The following TOP3A variants were observed in gnomAD, a reference collection of about 807,000 sequenced individuals.
The protein encoded by TOP3A is DNA topoisomerase 3-alpha.
In TOP3A, 64 loss-of-function variants were observed where a neutral mutation model predicts 111.3. The ratio of observed to expected loss-of-function variants is 0.57; its 90% CI spans 0.47 to 0.71. TOP3A has a LOEUF of 0.71. Among genes scored for constraint, TOP3A ranks in the 30% least tolerant of loss-of-function variants. TOP3A has a pLI of 0.00. For synonymous variants in TOP3A, 484 were observed against 485.1 expected (o/e 1.00, Z 0.03); for missense variants, 1,104 against 1,285.0 (o/e 0.86, Z 2.15).
At chr17:18,302,803 C>T (rs1011123688) in intron 5 of TOP3A, 80 bp from the exon 6 acceptor site, 3 of 1,520,276 alleles carry the variant, frequency 2.0e-6, no homozygotes, top group Admixed American at 4.1e-5. Context: ...TTCTTAAAGC[C>T]CCTTGAAATA....
At chr17:18,298,166 G>A (rs1181916212) in intron 9 of TOP3A, among the ~76,000 whole-genome samples, 1 of 151,602 alleles carries the variant, frequency 6.6e-6, no homozygotes, top group Non-Finnish European at 1.5e-5. Context: ...CGTCTGAGAA[G>A]TGAGGAGCCC....
At chr17:18,285,029 C>T in intron 15 of TOP3A, 113 bp downstream of exon 15, 1 of 1,307,084 alleles carries the variant, frequency 7.7e-7, no homozygotes, top group Non-Finnish European at 1.1e-6. Context: ...TGGCTCACGC[C>T]TGTAATCCCC....
At chr17:18,303,749 T>C (rs768734178) in intron 5 of TOP3A, among the ~76,000 whole-genome samples, 3 of 152,160 alleles carry the variant, frequency 2.0e-5, no homozygotes, top group Admixed American at 1.3e-4. Flanking sequence ...CTCCCTGAGA[T>C]AGTAAAGATA....
chr17:18,274,555 C>T lies in TOP3A; in HGVS notation c.*247G>A, dbSNP rs567699064. 6.7e-5 allele frequency: 29 copies of T among 435,416 alleles called. No individual in the cohort carries two copies. Among genetic ancestry groups the T allele is most frequent in the African/African-American group, 4.3e-4 (22 of 50,992 alleles). 27.0% of individuals were successfully genotyped at this position (435,416 alleles called of 1,614,324 possible). On this transcript the variant is annotated 3_prime_UTR_variant, in exon 19 of 19. Transcript: ENST00000321105. Reference sequence around the variant, plus strand: ...CTTGGGGGGTCCGAGGGAGCAGCTGCGTGACTTTTCAGCAGTGGCTATGGT... The same window carrying T: ...CTTGGGGGGTCCGAGGGAGCAGCTGTGTGACTTTTCAGCAGTGGCTATGGT...
intron 15 of TOP3A, among the ~76,000 whole-genome samples, chr17:18,283,696 C>A (rs1195540307): frequency 6.6e-6 from 1 of 152,166 alleles, no homozygotes; most frequent in East Asian, 1.9e-4. Context: ...CCCCAAATTC[C>A]CTCAGATGTC....
intron 18 of TOP3A, among the ~76,000 whole-genome samples, chr17:18,277,092 G>C (rs1186305451): frequency 6.7e-6 from 1 of 150,216 alleles, no homozygotes; most frequent in Non-Finnish European, 1.5e-5. Context: ...GCTGAGGCAG[G>C]AGAATCATTT....
chr17:18,274,947 C>CT lies in TOP3A; in HGVS notation c.2860dup (p.Arg954LysfsTer53). 6.2e-7 allele frequency: 1 copy of CT among 1,614,136 alleles called. No individual in the cohort carries two copies. ...GGCTTCCGACTCCAGGGTTCTTCCTCTGTCTCCTGTCCAGGACGGGGCTCC... is the reference window on the plus strand; with the variant it reads ...GGCTTCCGACTCCAGGGTTCTTCCTCTTGTCTCCTGTCCAGGACGGGGCTCC... On this transcript the variant is annotated frameshift_variant, in exon 19 of 19. Transcript: ENST00000321105. LOFTEE classifies it high-confidence loss of function.
chr17:18,284,307 T>C (rs8066387), intron 15 of TOP3A, among the ~76,000 whole-genome samples: 75,663 of 151,762 alleles, frequency 0.5, 20,283 homozygotes, highest in African/African-American at 0.7. Context: ...CCACCGTGCC[T>C]GACCCTTGTT....
chr17:18,287,103 A>G (rs1225612765), intron 13 of TOP3A, among the ~76,000 whole-genome samples: 1 of 151,000 alleles, frequency 6.6e-6, no homozygotes, highest in Non-Finnish European at 1.5e-5. Context: ...AAATAACTAA[A>G]GTAGGCAAAT....
Position 18,282,826 on chromosome 17 carries a change from C to T in TOP3A, c.1893G>A (p.Leu631=), listed in dbSNP as rs1188308752. The T allele has an allele frequency of 1.2e-6, 2 of 1,614,140 alleles. No individual in the cohort carries two copies. The highest frequency in any genetic ancestry group is 1.1e-5 in the South Asian group (1 of 91,088). The stretch of plus-strand genomic sequence containing the variant: ...CTGTCCCATTCCCAAAGTACTGGGC[C>T]AAGGCCTCGTCCAATCTGAAGAAAA... ...VAKAKKLDEA[L]AQYFGNGTEL... is the part of the protein sequence containing the mutation. Residue 631 remains leucine (L), a synonymous_variant, in exon 16 of 19, where the codon TTG becomes TTA. Transcript: ENST00000321105.
In TOP3A at chr17:18,277,977, C is replaced by G; in HGVS notation, c.2525G>C (p.Ser842Thr). ...GTCTGCCCACAGGAAGAAGTTGCAG[C>G]TACCTCCGTTGCACTTAAAGAACTG... The part of the protein sequence containing the change: ...GRQFFKCNGG[S>T]CNFFLWADSP... Residue 842 changes from serine to threonine, a missense_variant, in exon 18 of 19, where the codon AGC (serine) becomes ACC (threonine). Ser to Thr is a moderately conservative substitution (Grantham distance 58). Transcript: ENST00000321105. The G allele has an allele frequency of 6.2e-7, 1 of 1,614,062 alleles. No individual in the cohort carries two copies. Among genetic ancestry groups the G allele is most frequent in the Non-Finnish European group, 8.5e-7 (1 of 1,180,050 alleles).
intron 16 of TOP3A, among the ~76,000 whole-genome samples, chr17:18,281,060 G>A (rs1297839180): frequency 6.6e-6 from 1 of 152,176 alleles, no homozygotes; most frequent in Admixed American, 6.5e-5. Context: ...TGCATGTGTG[G>A]ATGGGAGCCA....
intron 1 of TOP3A, among the ~76,000 whole-genome samples, chr17:18,309,183 G>T (rs1011752126): frequency 2.0e-5 from 3 of 152,084 alleles, no homozygotes; most frequent in Non-Finnish European, 2.9e-5. Flanking sequence ...TACCCATTAG[G>T]ATAATAATTA....
chr17:18,308,284 C>T, intron 3 of TOP3A, 67 bp downstream of exon 3: 1 of 798,238 alleles, frequency 1.3e-6, no homozygotes, highest in South Asian at 2.1e-5. Flanking sequence ...CAACATGCCT[C>T]AAAATTCCTG....
intron 13 of TOP3A, among the ~76,000 whole-genome samples, chr17:18,287,778 A>AG (rs532738923): frequency 1.6e-3 from 240 of 152,150 alleles, no homozygotes; most frequent in Non-Finnish European, 3.0e-3. Flanking sequence ...GCGGATCATG[A>AG]GGTCAGGAGT....
At chr17:18,301,570 G>C (rs1981229280) in intron 8 of TOP3A, among the ~76,000 whole-genome samples, 1 of 152,192 alleles carries the variant, frequency 6.6e-6, no homozygotes, top group South Asian at 2.1e-4. Flanking sequence ...TTCTCTCCTA[G>C]CTCTATAAGT....
intron 9 of TOP3A, among the ~76,000 whole-genome samples, chr17:18,296,439 G>A (rs1404511426): frequency 6.6e-6 from 1 of 152,020 alleles, no homozygotes; most frequent in African/African-American, 2.4e-5. Flanking sequence ...AATTAGCTGG[G>A]TGTGGTGGCG....
intron 8 of TOP3A, among the ~76,000 whole-genome samples, chr17:18,301,076 C>T (rs1049598667): frequency 2.0e-5 from 3 of 152,256 alleles, no homozygotes; most frequent in Non-Finnish European, 4.4e-5. Flanking sequence ...TATCACATCC[C>T]TTTGCCTAAT....
chr17:18,282,944 T>C (rs1334379505), intron 15 of TOP3A, 103 bp from the exon 16 acceptor site: 51 of 1,472,218 alleles, frequency 3.5e-5, no homozygotes, highest in Non-Finnish European at 4.6e-5. Context: ...GAGAACCAGC[T>C]GGTCAGTGAG....
Sources: allele counts gnomAD v4.1 joint callset (sites outside exome capture counted in the v4.1 genomes callset), GRCh38; gene constraint gnomAD v4.1.1; transcripts MANE v1.5; gene names NCBI Gene and HGNC (gene_info 2026-07-23, HGNC 2026-07-21).